TMEM260: variants seen among roughly 807,000 people sequenced by gnomAD.
TMEM260 encodes transmembrane protein 260, also known as protein O-mannosyl-transferase TMEM260.
In TMEM260, 82 loss-of-function variants were observed where a neutral mutation model predicts 88.9. That is an observed-to-expected ratio of 0.92 (90% CI 0.77 to 1.11). The LOEUF (loss-of-function observed/expected upper bound fraction) is 1.11, where lower values mean the gene tolerates loss of function less well. Ranked by LOEUF, TMEM260 falls within the 50% of genes least tolerant of loss-of-function variation. The pLI, the probability that TMEM260 is intolerant of heterozygous loss-of-function variation, is 0.00. For missense variants in TMEM260, 902 were observed against 853.4 expected (o/e 1.06, Z -0.71); for synonymous variants, 314 against 309.3 (o/e 1.02, Z -0.16).
At chr14:56,591,683 C>T (rs918505034) in intron 3 of TMEM260, among the ~76,000 whole-genome samples, 1 of 152,070 alleles carries the variant, frequency 6.6e-6, no homozygotes, top group African/African-American at 2.4e-5. Flanking sequence ...TAAACAAAAT[C>T]GACTAAAATA....
chr14:56,609,265 G>A lies in TMEM260; in HGVS notation c.796G>A (p.Glu266Lys). The A allele has an allele frequency of 6.2e-7, 1 of 1,613,996 alleles. No homozygotes were observed. The highest frequency in any genetic ancestry group is 8.5e-7 in the Non-Finnish European group (1 of 1,179,956). Residue 266 changes from glutamate (E) to lysine (K), a missense_variant, in exon 6 of 16, where the codon GAA becomes AAA. Physicochemically the swap from Glu to Lys is moderately conservative, Grantham distance 56. Coordinates refer to ENST00000261556, the MANE Select transcript of TMEM260 (RefSeq NM_017799.4). ...ATTTTTGACACATTTTCTCAGGGAAGAATATGGAACCTTCAGCCTGGTAAA... is the reference window on the plus strand; with the variant it reads ...ATTTTTGACACATTTTCTCAGGGAAAAATATGGAACCTTCAGCCTGGTAAA... The part of the protein sequence containing the change: ...QGFLTHFLRE[E>K]YGTFSLAKSE...
intron 3 of TMEM260, among the ~76,000 whole-genome samples, chr14:56,589,743 C>A (rs1263792819): frequency 6.6e-6 from 1 of 152,038 alleles, no homozygotes; most frequent in East Asian, 1.9e-4. Context: ...AATTTTATAA[C>A]TTATATATTT....
chr14:56,618,507 A>G, intron 9 of TMEM260, 87 bp from the exon 10 acceptor site: 1 of 1,234,996 alleles, frequency 8.1e-7, no homozygotes, highest in Non-Finnish European at 1.2e-6. Flanking sequence ...AACTAGGTGC[A>G]TGCAGCATAT....
At chr14:56,601,765 A>G (rs1196286503) in intron 3 of TMEM260, among the ~76,000 whole-genome samples, 1 of 152,128 alleles carries the variant, frequency 6.6e-6, no homozygotes, top group African/African-American at 2.4e-5. Flanking sequence ...AGCTGTTACT[A>G]TAATTATTTT....
intron 1 of TMEM260, among the ~76,000 whole-genome samples, chr14:56,580,374 A>G (rs934006251): frequency 1.3e-5 from 2 of 152,164 alleles, no homozygotes; most frequent in South Asian, 4.1e-4. Context: ...ATTTACTTTC[A>G]GTCTTTTTTA....
At chr14:56,616,461 A>G (rs535768026) in intron 8 of TMEM260, among the ~76,000 whole-genome samples, 7 of 152,060 alleles carry the variant, frequency 4.6e-5, no homozygotes, top group Admixed American at 1.3e-4. Context: ...ATGTAAATGT[A>G]TATTTGTACA....
Position 56,636,075 on chromosome 14 carries a change from G to T in TMEM260, c.1779-433G>T, listed in dbSNP as rs144747250. Among the ~76,000 whole-genome samples the T allele has an allele frequency of 1.6e-4, 24 of 152,256 alleles. 1 individual carries two copies. The highest frequency in any genetic ancestry group is 1.4e-4 in the African/African-American group (6 of 41,548). On this transcript the variant is annotated intron_variant, in intron 14 of 15. Coordinates refer to ENST00000261556, the MANE Select transcript of TMEM260 (RefSeq NM_017799.4). ...TTGCACAGGTATTGATTTAATTGGC[G>T]TTCTGAATACAACTTGGATGAGTTC...
chr14:56,602,369 A>G (rs1444882807), intron 3 of TMEM260, among the ~76,000 whole-genome samples: 1 of 152,108 alleles, frequency 6.6e-6, no homozygotes, highest in Admixed American at 6.6e-5. Context: ...GAGCCTGACT[A>G]ATTGGTGGAG....
intron 3 of TMEM260, among the ~76,000 whole-genome samples, chr14:56,597,473 A>C (rs1260203172): frequency 6.6e-6 from 1 of 152,224 alleles, no homozygotes; most frequent in African/African-American, 2.4e-5. Flanking sequence ...GGGACTTGCA[A>C]GTCATTTAGT....
chr14:56,653,742 A>AAAAAAAAAAC (rs1890249548), downstream of TMEM260, among the ~76,000 whole-genome samples: 1 of 65,802 alleles, frequency 1.5e-5, no homozygotes, highest in Non-Finnish European at 4.2e-5. Context: ...TCTCCAAAAC[A>AAAAAAAAAAC]AAAAAAAAAA....
At chr14:56,587,180 A>G (rs1004218071) in intron 3 of TMEM260, among the ~76,000 whole-genome samples, 3 of 151,866 alleles carry the variant, frequency 2.0e-5, no homozygotes, top group Admixed American at 6.6e-5. Context: ...GAATGAGTAT[A>G]TTATTAATTT....
intron 2 of TMEM260, 131 bp downstream of exon 2, chr14:56,585,163 A>C: frequency 1.4e-6 from 1 of 710,722 alleles, no homozygotes; most frequent in Non-Finnish European, 2.2e-6. Context: ...TTATAAGTAC[A>C]GTACGTGACA....
chr14:56,656,616 C>A, the TMEM260 span, among the ~76,000 whole-genome samples: 1 of 152,132 alleles, frequency 6.6e-6, no homozygotes, highest in African/African-American at 2.4e-5. Context: ...AAAAACAGTT[C>A]TTCTCTACTT....
the TMEM260 span, among the ~76,000 whole-genome samples, chr14:56,658,207 T>C: frequency 2.0e-5 from 3 of 152,152 alleles, no homozygotes; most frequent in African/African-American, 7.2e-5. Flanking sequence ...TCATTGCTTC[T>C]GTAGCATTCT....
chr14:56,617,917 A>G (rs2139590095), intron 9 of TMEM260, among the ~76,000 whole-genome samples: 2 of 152,314 alleles, frequency 1.3e-5, no homozygotes, highest in South Asian at 4.1e-4. Context: ...AATCACTTTT[A>G]TTACTGATAA....
In TMEM260 at chr14:56,640,890, G is replaced by T. The variant is rs552898722; in HGVS notation, c.1869+4292G>T. 2.0e-5 allele frequency among the ~76,000 whole-genome samples: 3 copies of T among 152,188 alleles called. No homozygotes were observed. The South Asian group carries it at 6.2e-4, about 32-fold the overall frequency. ...GCCAATGCGATCAACTGGAAGAAAG[G>T]GTATCAGCGATGGACAATGAAATGA... On this transcript the variant is annotated intron_variant, in intron 15 of 15. Transcript: ENST00000261556.
chr14:56,640,878 A>G (rs982314542), intron 15 of TMEM260, among the ~76,000 whole-genome samples: 3 of 152,238 alleles, frequency 2.0e-5, no homozygotes, highest in Non-Finnish European at 4.4e-5. Flanking sequence ...AATGCGATCA[A>G]CTGGAAGAAA....
chr14:56,636,776 A>C (rs1257748562), intron 15 of TMEM260, among the ~76,000 whole-genome samples, 178 bp downstream of exon 15: 1 of 151,940 alleles, frequency 6.6e-6, no homozygotes, highest in Non-Finnish European at 1.5e-5. Flanking sequence ...TATCCAAAGT[A>C]AATGGCTGTG....
At chr14:56,650,062 C>A (rs967654803), downstream of TMEM260, 5 of 453,106 alleles carry the variant, frequency 1.1e-5, no homozygotes, top group African/African-American at 2.0e-5. Context: ...CTCTTACTTT[C>A]CTTGGCTAGT....
Sources: allele counts gnomAD v4.1 joint callset (sites outside exome capture counted in the v4.1 genomes callset), GRCh38; gene constraint gnomAD v4.1.1; transcripts MANE v1.5; gene names NCBI Gene and HGNC (gene_info 2026-07-23, HGNC 2026-07-21).